Variants in FOXP1 observed in about 807,000 individuals in gnomAD.
FOXP1 encodes forkhead box protein P1.
FOXP1 carries 15 observed loss-of-function variants against 98.2 expected under a neutral mutation model. That is an observed-to-expected ratio of 0.15 (90% CI 0.10 to 0.24). The LOEUF (loss-of-function observed/expected upper bound fraction) is 0.24. Among genes scored for constraint, FOXP1 ranks in the 10% least tolerant of loss-of-function variants. The pLI is 1.00. For synonymous variants in FOXP1, 371 were observed against 314.5 expected (o/e 1.18, Z -1.90); for missense variants, 633 against 848.5 (o/e 0.75, Z 3.15).
intron 6 of FOXP1, among the ~76,000 whole-genome samples, chr3:71,182,498 A>ATGTG (rs201607064): frequency 1.8e-3 from 212 of 120,008 alleles, no homozygotes; most frequent in Admixed American, 7.0e-3. Flanking sequence ...TGTAAACTAT[A>ATGTG]TATATGTGTG....
chr3:71,508,636 C>T (rs922254385), intron 2 of FOXP1, among the ~76,000 whole-genome samples: 1 of 152,198 alleles, frequency 6.6e-6, no homozygotes, highest in Non-Finnish European at 1.5e-5. Flanking sequence ...CTACTCAATA[C>T]GTTTTATAGC....
intron 12 of FOXP1, among the ~76,000 whole-genome samples, chr3:71,014,007 G>C (rs1474079100): frequency 3.3e-5 from 5 of 152,098 alleles, no homozygotes. Context: ...ATTCAAGATG[G>C]ATTAAAGACT....
chr3:71,168,775 C>T (rs923116635), intron 6 of FOXP1, among the ~76,000 whole-genome samples: 24 of 152,142 alleles, frequency 1.6e-4, no homozygotes, highest in African/African-American at 4.8e-4. Flanking sequence ...TTTTTTCCCC[C>T]GTTTTTAGGC....
rs558110278 is a variant in FOXP1 at position 71,313,339 on chromosome 3, G to A, written c.-72-13459C>T. 3.3e-3 allele frequency among the ~76,000 whole-genome samples: 502 copies of A among 151,252 alleles called. 2 individuals carry two copies. The highest frequency in any genetic ancestry group is 0.011 in the African/African-American group (453 of 41,246). ...CTCCCAAAGTGCTGGGATTACAGGC[G>A]TGAGCCACTGCGCCCGGCCAAGCTA... On this transcript the variant is annotated intron_variant, in intron 4 of 20. Coordinates refer to ENST00000649528, the MANE Select transcript of FOXP1 (RefSeq NM_001349338.3).
At chr3:71,458,299 A>G in intron 3 of FOXP1, among the ~76,000 whole-genome samples, 1 of 152,222 alleles carries the variant, frequency 6.6e-6, no homozygotes, top group East Asian at 1.9e-4. Context: ...AAAAGAGTTT[A>G]ACCATGAAAG....
intron 3 of FOXP1, among the ~76,000 whole-genome samples, chr3:71,467,896 T>C (rs958476127): frequency 4.7e-4 from 72 of 152,300 alleles, no homozygotes; most frequent in African/African-American, 1.7e-3. Context: ...CCGTGCTTTG[T>C]GAGCCACCAA....
chr3:71,040,080 GGTGTGTGTGTGT>G (rs111790256), intron 11 of FOXP1, among the ~76,000 whole-genome samples: 2 of 147,924 alleles, frequency 1.4e-5, no homozygotes, highest in Non-Finnish European at 3.0e-5. Context: ...ACTTGAACAT[GGTGTGTGTGTGT>G]GTGTGTGTGT....
At chr3:71,034,935 A>C (rs902180563) in intron 11 of FOXP1, among the ~76,000 whole-genome samples, 5 of 152,160 alleles carry the variant, frequency 3.3e-5, no homozygotes, top group Non-Finnish European at 5.9e-5. Flanking sequence ...AGACCACCTT[A>C]ACTACAGCCC....
chr3:70,967,992 T>TTTGTCATCCTCTAGAGAAGGCAA (rs1411001373), intron 19 of FOXP1, among the ~76,000 whole-genome samples: 1 of 152,054 alleles, frequency 6.6e-6, no homozygotes, highest in African/African-American at 2.4e-5. Flanking sequence ...TTGGGATGAG[T>TTTGTCATCCTCTAGAGAAGGCAA]TTGTCATCCT....
In FOXP1 at chr3:70,992,321, G is replaced by A. The variant is rs2040728906; in HGVS notation, c.1063-4244C>T. On this transcript the variant is annotated intron_variant, in intron 13 of 20. Coordinates refer to ENST00000649528, the MANE Select transcript of FOXP1 (RefSeq NM_001349338.3). Reference sequence around the variant, plus strand: ...GATGATCCAAAGAGATTAACCCGATGTGGCCCAAGCATATCCAGTTACTTA... The same window carrying A: ...GATGATCCAAAGAGATTAACCCGATATGGCCCAAGCATATCCAGTTACTTA... 2.0e-5 allele frequency among the ~76,000 whole-genome samples: 3 copies of A among 152,152 alleles called. No individual in the cohort carries two copies. In the South Asian group the frequency reaches 6.2e-4, roughly 32 times the overall value.
chr3:70,955,554 C>T lies in FOXP1; in HGVS notation c.*3693G>A, dbSNP rs145083026. The T allele has an allele frequency of 1.9e-4, 43 of 229,818 alleles. No homozygotes were observed. The East Asian group carries it at 2.6e-3, about 14-fold the overall frequency. The allele number at this position is 229,818 out of a possible 1,614,324, so 14.2% of individuals were successfully genotyped here. A position where few individuals can be genotyped will look rare whatever the true frequency, so the allele number is the denominator to read the frequency against. On this transcript the variant is annotated 3_prime_UTR_variant, in exon 21 of 21. Coordinates refer to ENST00000649528, the MANE Select transcript of FOXP1 (RefSeq NM_001349338.3). ...AAAAAGTAACAGATTTTCTTTACAT[C>T]TTGGCACCTTGTAAAGTTTTTTTTT...
intron 3 of FOXP1, among the ~76,000 whole-genome samples, chr3:71,491,784 A>C (rs2091078422): frequency 6.6e-6 from 1 of 152,224 alleles, no homozygotes; most frequent in African/African-American, 2.4e-5. Context: ...TCTGGACAAT[A>C]AAACTAAAGT....
At chr3:71,135,704 T>C (rs1250073893) in intron 6 of FOXP1, among the ~76,000 whole-genome samples, 1 of 152,144 alleles carries the variant, frequency 6.6e-6, no homozygotes, top group Admixed American at 6.5e-5. Flanking sequence ...TCTGAACCAA[T>C]GTGCCAAACC....
At chr3:71,339,510 ACT>A (rs772669207) in intron 4 of FOXP1, among the ~76,000 whole-genome samples, 9 of 152,088 alleles carry the variant, frequency 5.9e-5, no homozygotes, top group Non-Finnish European at 1.2e-4. Flanking sequence ...TCAGTGTCTC[ACT>A]CTTTCTTAAA....
intron 3 of FOXP1, among the ~76,000 whole-genome samples, chr3:71,377,833 A>G (rs2079835789): frequency 6.6e-6 from 1 of 152,218 alleles, no homozygotes; most frequent in African/African-American, 2.4e-5. Context: ...TACCCTATGA[A>G]TGCTATGCAC....
intron 6 of FOXP1, among the ~76,000 whole-genome samples, chr3:71,173,066 G>C (rs2061729488): frequency 6.6e-6 from 1 of 152,136 alleles, no homozygotes; most frequent in Non-Finnish European, 1.5e-5. Flanking sequence ...AACATTCTCA[G>C]ATTTTTCGCA....
At chr3:71,426,951 C>A (rs28698490) in intron 3 of FOXP1, among the ~76,000 whole-genome samples, 1,668 of 151,984 alleles carry the variant, frequency 0.011, 36 homozygotes, top group African/African-American at 0.034. Context: ...ATCCCAACTA[C>A]TCAGGAGGCT....
At chr3:71,369,394 A>G (rs1350100065) in intron 3 of FOXP1, among the ~76,000 whole-genome samples, 2 of 152,054 alleles carry the variant, frequency 1.3e-5, no homozygotes, top group Admixed American at 1.3e-4. Flanking sequence ...CGTCTCAAAA[A>G]AACAAAAAAA....
intron 3 of FOXP1, among the ~76,000 whole-genome samples, chr3:71,374,092 T>C (rs137915436): frequency 2.0e-4 from 30 of 152,296 alleles, no homozygotes; most frequent in African/African-American, 6.3e-4. Context: ...AGAAAAAATA[T>C]TGACGGTGTA....
Sources: allele counts gnomAD v4.1 joint callset (sites outside exome capture counted in the v4.1 genomes callset), GRCh38; gene constraint gnomAD v4.1.1; transcripts MANE v1.5; gene names NCBI Gene and HGNC (gene_info 2026-07-23, HGNC 2026-07-21).